The following TUBGCP3 variants were observed in gnomAD, a reference collection of about 807,000 sequenced individuals.
The protein encoded by TUBGCP3 is gamma-tubulin complex component 3.
Under a neutral mutation model 123.1 loss-of-function variants are expected in TUBGCP3, and 50 were observed. The observed-to-expected ratio is 0.41, with a 90% CI of 0.32 to 0.51. The LOEUF is 0.51. Among genes scored for constraint, TUBGCP3 ranks in the 20% least tolerant of loss-of-function variants. The pLI, the probability that TUBGCP3 is intolerant of heterozygous loss-of-function variation, is 0.36. For synonymous variants in TUBGCP3, 405 were observed against 413.9 expected, an observed-to-expected ratio of 0.98 and a Z score of 0.26; for missense variants, 882 against 1,127.0, an observed-to-expected ratio of 0.78 and a Z score of 3.11.
intron 8 of TUBGCP3, among the ~76,000 whole-genome samples, chr13:112,548,949 T>C (rs1311701705): frequency 6.6e-6 from 1 of 152,188 alleles, no homozygotes; most frequent in Non-Finnish European, 1.5e-5. Flanking sequence ...GATCTAGAGC[T>C]AGAAATACCA....
At chr13:112,530,074 C>T (rs368093207) in intron 11 of TUBGCP3, among the ~76,000 whole-genome samples, 2 of 152,164 alleles carry the variant, frequency 1.3e-5, no homozygotes, top group East Asian at 1.9e-4. Flanking sequence ...TCTCAGGTTG[C>T]TTAACGTATT....
At position 112,554,120 on chromosome 13, in the gene TUBGCP3, A is replaced by G; in HGVS notation, c.903T>C (p.His301=). 6.2e-7 allele frequency: 1 copy of G among 1,614,128 alleles called. No homozygotes were observed. Among genetic ancestry groups the G allele is most frequent in the Non-Finnish European group, 8.5e-7 (1 of 1,180,024 alleles). ...GGTCCGTGTATCTTCTGATTTTATT[A>G]TGCAACCATCCCAACTCAGAAAGCC... ...AVRLSELGWL[H]NKIRRYTDQR... is the part of the protein sequence containing the mutation. The change falls in exon 8 of 22, where the codon CAT becomes CAC. Residue 301 remains histidine (H), a synonymous_variant. Transcript: ENST00000261965.
Position 112,522,414 on chromosome 13 carries a change from T to C in TUBGCP3, c.1651A>G (p.Lys551Glu), listed in dbSNP as rs2139070552. ...TSKYLLDVLN[K>E]KYSLLDHMQA... ...ATGTGGTCCAGCAAGCTGTACTTTT[T>C]ATTGAGAACATCCAACAGGTATTTG... The change falls in exon 14 of 22, where the codon AAA becomes GAA. Residue 551 changes from lysine to glutamate, a missense_variant. By Grantham distance (56) the Lys-to-Glu change is moderately conservative. Transcript: ENST00000261965. The C allele has an allele frequency of 6.2e-7, 1 of 1,614,226 alleles. No homozygotes were observed. The highest frequency in any genetic ancestry group is 8.5e-7 in the Non-Finnish European group (1 of 1,180,028).
chr13:112,556,424 C>A (rs947730239), intron 5 of TUBGCP3, among the ~76,000 whole-genome samples, 200 bp from the exon 6 acceptor site: 3 of 152,134 alleles, frequency 2.0e-5, no homozygotes, highest in Non-Finnish European at 4.4e-5. Context: ...AGCCTCCTTG[C>A]GACCCTTGGC....
Position 112,545,740 on chromosome 13 carries a change from G to C in TUBGCP3, c.1294C>G (p.Arg432Gly). The change falls in exon 11 of 22, where the codon CGC becomes GGC. Residue 432 changes from arginine (R) to glycine (G), a missense_variant. Around this residue, in one of 3 missense-constraint regions of TUBGCP3, gnomAD observed 713 missense variants for 874.0 expected, o/e 0.82. Coordinates refer to ENST00000261965, the MANE Select transcript of TUBGCP3 (RefSeq NM_006322.6). This position sits in a 1 kb window ranked among gnomAD's most constrained non-coding sequence, Gnocchi z 4.1. ...VSHPVLSFLY[R>G]WIYDGELEDT... ...TCAAGCTCCCCATCATATATCCAGCGGTACAGGAAGCTCAAAACAGGATGA... is the reference window on the plus strand; with the variant it reads ...TCAAGCTCCCCATCATATATCCAGCCGTACAGGAAGCTCAAAACAGGATGA... 6.2e-7 allele frequency: 1 copy of C among 1,614,114 alleles called. No homozygotes were observed. Among genetic ancestry groups the C allele is most frequent in the Non-Finnish European group, 8.5e-7 (1 of 1,180,022 alleles).
At position 112,547,605 on chromosome 13, in the gene TUBGCP3, A is replaced by C. The variant is rs936745581; in HGVS notation, c.1168+15T>G. 1.1e-5 allele frequency: 17 copies of C among 1,484,534 alleles called. No homozygotes were observed. Among genetic ancestry groups the C allele is most frequent in the Non-Finnish European group, 1.4e-5 (16 of 1,109,514 alleles). The allele number at this position is 1,484,534 out of a possible 1,614,324, so 92.0% of individuals were successfully genotyped here. A position where few individuals can be genotyped will look rare whatever the true frequency, so the allele number is the denominator to read the frequency against. ...CGCGTGGGAAAGACGTGCGTGGGAA[A>C]GACGCGCGTGGGACCTTGGCAGTGG... On this transcript the variant is annotated intron_variant, in intron 10 of 21. Transcript: ENST00000261965.
chr13:112,555,707 G>T (rs190388861), intron 6 of TUBGCP3, among the ~76,000 whole-genome samples: 1 of 152,154 alleles, frequency 6.6e-6, no homozygotes, highest in African/African-American at 2.4e-5. Context: ...TTTACTGGGG[G>T]CCTAACCCAG....
At chr13:112,523,608 A>G (rs1876806681) in intron 13 of TUBGCP3, among the ~76,000 whole-genome samples, 1 of 152,152 alleles carries the variant, frequency 6.6e-6, no homozygotes, top group South Asian at 2.1e-4. Context: ...CGTAGTTTTA[A>G]TGACATAAAG....
chr13:112,600,063 T>C, the TUBGCP3 span, among the ~76,000 whole-genome samples: 1 of 152,190 alleles, frequency 6.6e-6, no homozygotes, highest in Non-Finnish European at 1.5e-5. Context: ...ATCCCACACT[T>C]GTGCACCCAC....
intron 1 of TUBGCP3, among the ~76,000 whole-genome samples, chr13:112,579,146 T>A (rs1231190238): frequency 6.9e-6 from 1 of 145,708 alleles, no homozygotes; most frequent in African/African-American, 2.6e-5. Context: ...CAAGAAGACA[T>A]ATGAATGGCA....
At chr13:112,542,290 T>G (rs1422007608) in intron 11 of TUBGCP3, among the ~76,000 whole-genome samples, 2 of 152,220 alleles carry the variant, frequency 1.3e-5, no homozygotes, top group Non-Finnish European at 2.9e-5. Context: ...AGATTTAATA[T>G]GCATTCTAAA....
rs372993489 is a variant in TUBGCP3 at position 112,527,355 on chromosome 13, A to G, written c.1446+19T>C. The G allele has an allele frequency of 6.7e-7, 1 of 1,503,312 alleles. No homozygotes were observed. The highest frequency in any genetic ancestry group is 8.9e-7 in the Non-Finnish European group (1 of 1,120,390). The allele number at this position is 1,503,312 out of a possible 1,614,324, so 93.1% of individuals were successfully genotyped here. ...TAGCCATAAAACATCAAAATCACAAAAATCTCTTCTAATCCTACCTTCCTA... is the reference window on the plus strand; with the variant it reads ...TAGCCATAAAACATCAAAATCACAAGAATCTCTTCTAATCCTACCTTCCTA... On this transcript the variant is annotated intron_variant, in intron 12 of 21. Transcript: ENST00000261965.
chr13:112,582,781 G>A (rs2139331032), intron 1 of TUBGCP3, among the ~76,000 whole-genome samples: 1 of 152,276 alleles, frequency 6.6e-6, no homozygotes, highest in East Asian at 1.9e-4. Context: ...TGAGGGGTGG[G>A]CAGTTCTCAG....
intron 11 of TUBGCP3, among the ~76,000 whole-genome samples, chr13:112,537,471 C>T (rs761413126): frequency 6.6e-6 from 1 of 152,128 alleles, no homozygotes; most frequent in Non-Finnish European, 1.5e-5. Context: ...TATTGAACTA[C>T]CCTTGCATTC....
At chr13:112,512,427 CAA>C (rs35550857) in intron 17 of TUBGCP3, among the ~76,000 whole-genome samples, 6 of 39,454 alleles carry the variant, frequency 1.5e-4, no homozygotes, top group Admixed American at 5.4e-4. Flanking sequence ...GACTCTGTCT[CAA>C]AAAAAAAAAA....
chr13:112,575,825 T>C, intron 1 of TUBGCP3, among the ~76,000 whole-genome samples: 1 of 152,234 alleles, frequency 6.6e-6, no homozygotes, highest in African/African-American at 2.4e-5. Flanking sequence ...TGGCAGTCAG[T>C]CAACACACAC....
At chr13:112,554,393 C>A (rs1226606251) in intron 7 of TUBGCP3, among the ~76,000 whole-genome samples, 1 of 152,200 alleles carries the variant, frequency 6.6e-6, no homozygotes, top group African/African-American at 2.4e-5. Flanking sequence ...GAGCTCATTT[C>A]ACACCACCCT....
chr13:112,586,443 T>C (rs1035695251), intron 1 of TUBGCP3, among the ~76,000 whole-genome samples: 3 of 152,106 alleles, frequency 2.0e-5, no homozygotes. Context: ...ATTCCCCCTA[T>C]GACGAGGAAC....
intron 11 of TUBGCP3, chr13:112,544,477 A>AT (rs1878823049): frequency 6.7e-6 from 1 of 148,762 alleles, no homozygotes; most frequent in East Asian, 1.9e-4. Flanking sequence ...AAAAAAAAAA[A>AT]TGCATCCCCA....
Sources: allele counts gnomAD v4.1 joint callset (sites outside exome capture counted in the v4.1 genomes callset), GRCh38; gene constraint gnomAD v4.1.1; regional missense constraint gnomAD v4.1.1; non-coding constraint Gnocchi (gnomAD v3.1); transcripts MANE v1.5; gene names NCBI Gene and HGNC (gene_info 2026-07-23, HGNC 2026-07-21).